FN1: variants seen among roughly 807,000 people sequenced by gnomAD.
The protein encoded by FN1 is fibronectin 1.
Under a neutral mutation model 297.3 loss-of-function variants are expected in FN1, and 106 were observed. The observed-to-expected ratio is 0.36, with a 90% CI of 0.30 to 0.42. The LOEUF is 0.42. Ranked by LOEUF, FN1 falls within the 10% of genes least tolerant of loss-of-function variation. The pLI is 1.00. For synonymous variants in FN1, 1,149 were observed against 1,152.6 expected (o/e 1.00, Z 0.06); for missense variants, 2,690 against 3,124.9 (o/e 0.86, Z 3.32).
At position 215,375,728 on chromosome 2, in the gene FN1, G is replaced by C. The variant is rs752816620; in HGVS notation, c.5888-10C>G. 27 of 1,556,428 alleles carry C rather than the reference G, an allele frequency of 1.7e-5. No individual in the cohort carries two copies. In the South Asian group the frequency reaches 3.0e-4, roughly 17 times the overall value. ...GTGCCTGGTTGTAAACCTGGGATTTGAGAAGAGATGATTTTTAACAGTTCT... is the reference window on the plus strand; with the variant it reads ...GTGCCTGGTTGTAAACCTGGGATTTCAGAAGAGATGATTTTTAACAGTTCT... On this transcript the variant is annotated splice_polypyrimidine_tract_variant and intron_variant, in intron 36 of 45. Transcript: ENST00000354785.
At chr2:215,373,477 C>T (rs1242903435) in intron 38 of FN1, 66 bp from the exon 39 acceptor site, 1 of 1,302,568 alleles carries the variant, frequency 7.7e-7, no homozygotes, top group African/African-American at 1.5e-5. Context: ...AAGTCGGTCT[C>T]ACCAGCAGAC....
rs757788360 is a variant in FN1 at position 215,419,234 on chromosome 2, C to T, written c.1819+8G>A. On this transcript the variant is annotated splice_region_variant and intron_variant, in intron 12 of 45. Transcript: ENST00000354785. ...CAGTTCTCAACTTGCAGTAATAGAG[C>T]TACTTACTTGGATAGGTCTGTAAAG... is the stretch of plus-strand genomic sequence containing the variant. 1 of 1,613,524 alleles carries T rather than the reference C, an allele frequency of 6.2e-7. No individual in the cohort carries two copies. The highest frequency in any genetic ancestry group is 1.1e-5 in the South Asian group (1 of 91,066).
chr2:215,374,461 A>G (rs1033796377), intron 38 of FN1, among the ~76,000 whole-genome samples: 1 of 152,164 alleles, frequency 6.6e-6, no homozygotes, highest in African/African-American at 2.4e-5. Context: ...GGCTGTTCTC[A>G]TGATAGTGAG....
chr2:215,434,395 A>T (rs1029601059), intron 2 of FN1, among the ~76,000 whole-genome samples: 2 of 125,876 alleles, frequency 1.6e-5, no homozygotes, highest in Non-Finnish European at 3.3e-5. Context: ...AATAAATTAA[A>T]ATTTTATAAG....
intron 23 of FN1, 100 bp from the exon 24 acceptor site, chr2:215,394,819 A>G: frequency 1.1e-6 from 1 of 910,660 alleles, no homozygotes; most frequent in Middle Eastern, 3.0e-4. Context: ...GGAATGCAGG[A>G]CTTGGCATTT....
chr2:215,370,547 CAAAAAACAAAA>C (rs2055756094), intron 40 of FN1, 115 bp from the exon 41 acceptor site: 1 of 289,030 alleles, frequency 3.5e-6, no homozygotes, highest in African/African-American at 3.3e-5. Flanking sequence ...AGACAAAAAA[CAAAAAACAAAA>C]AAAAAAAAAA....
rs757611292 is a variant in FN1, at chr2:215,414,881, G to C, written c.1897C>G (p.Pro633Ala). 3.5e-5 allele frequency: 56 copies of C among 1,613,510 alleles called. No homozygotes were observed. The highest frequency in any genetic ancestry group is 4.7e-5 in the Non-Finnish European group (55 of 1,179,590). Residue 633 changes from proline (P) to alanine (A), a missense_variant, in exon 13 of 46, where the codon CCA becomes GCA. Around this residue, in one of 3 missense-constraint regions of FN1, gnomAD observed 876 missense variants for 1,058.1 expected, o/e 0.83. Coordinates refer to ENST00000354785, the MANE Select transcript of FN1 (RefSeq NM_212482.4). ...PNSHPIQWNA[P>A]QPSHISKYIL... is the part of the protein sequence containing the mutation. ...TACTTGGAAATGTGAGATGGCTGTG[G>C]TGCATTCCACTGGATGGGGTGGGAG... is the stretch of plus-strand genomic sequence containing the variant.
chr2:215,399,358 G>A lies in FN1; in HGVS notation c.3254-7C>T. 3 of 1,595,264 alleles carry A rather than the reference G, an allele frequency of 1.9e-6. No homozygotes were observed. The highest frequency in any genetic ancestry group is 2.6e-6 in the Non-Finnish European group (3 of 1,162,804). On this transcript the variant is annotated splice_polypyrimidine_tract_variant and splice_region_variant and intron_variant, in intron 20 of 45. Coordinates refer to ENST00000354785, the MANE Select transcript of FN1 (RefSeq NM_212482.4). ...ATAGAGCTCCCAGGCTGCACTGTGAGAGAGAATCAATGCACATATTCAAAA... is the reference window on the plus strand; with the variant it reads ...ATAGAGCTCCCAGGCTGCACTGTGAAAGAGAATCAATGCACATATTCAAAA...
intron 23 of FN1, among the ~76,000 whole-genome samples, 179 bp downstream of exon 23, chr2:215,396,958 T>A (rs567151056): frequency 6.6e-6 from 1 of 152,366 alleles, no homozygotes; most frequent in Admixed American, 6.5e-5. Context: ...GAAGTCAACG[T>A]GCATTAAAGC....
rs563277456 is a variant in FN1 at position 215,367,507 on chromosome 2, TAA to T, written c.7018+354_7018+355del. ...TCTGATCTCATTCAACACTGAAGATTAAAAGAGATTTGAGGTTTTTCTGTGTC... is the reference window on the plus strand; with the variant it reads ...TCTGATCTCATTCAACACTGAAGATTAAGAGATTTGAGGTTTTTCTGTGTC... On this transcript the variant is annotated intron_variant, in intron 42 of 45. Transcript: ENST00000354785. 2.0e-5 allele frequency among the ~76,000 whole-genome samples: 3 copies of T among 152,318 alleles called. No individual in the cohort carries two copies. In the South Asian group the frequency reaches 6.2e-4, roughly 32 times the overall value.
At chr2:215,392,616 A>G (rs2059833068) in intron 25 of FN1, 3 of 383,204 alleles carry the variant, frequency 7.8e-6, no homozygotes, top group South Asian at 7.4e-5. Flanking sequence ...CGTGTTTGGT[A>G]TTTAAGACGA....
Position 215,379,261 on chromosome 2 carries a change from C to A in FN1, c.5491G>T (p.Ala1831Ser). Reference protein sequence around the residue: ...FTQVTPTSLSAQWTPPNVQLT... With the variant: ...FTQVTPTSLSSQWTPPNVQLT... ...TGAACATTGGGTGGTGTCCACTGGG[C>A]GCTCAGGCTTGTGGGTGTGACCTGA... The change falls in exon 34 of 46, where the codon GCC (alanine) becomes TCC (serine). Residue 1831 changes from alanine to serine, a missense_variant. Transcript: ENST00000354785. The A allele has an allele frequency of 6.2e-7, 1 of 1,614,022 alleles. No homozygotes were observed. The highest frequency in any genetic ancestry group is 1.1e-5 in the South Asian group (1 of 91,082).
intron 15 of FN1, 146 bp from the exon 16 acceptor site, chr2:215,408,572 A>G (rs545571873): frequency 1.6e-4 from 123 of 790,642 alleles, no homozygotes; most frequent in Non-Finnish European, 2.3e-4. Flanking sequence ...ATCAGTGATT[A>G]TTATTATTAT....
In FN1 at chr2:215,376,357, T is replaced by C. The variant is rs373792390; in HGVS notation, c.5887+141A>G. On this transcript the variant is annotated intron_variant, in intron 36 of 45. Coordinates refer to ENST00000354785, the MANE Select transcript of FN1 (RefSeq NM_212482.4). ...GACAAAACTATTTCTGATCATAGCATGAAAATAACGTTCTAAAACTGGGTT... is the reference window on the plus strand; with the variant it reads ...GACAAAACTATTTCTGATCATAGCACGAAAATAACGTTCTAAAACTGGGTT... 98 of 779,562 alleles carry C rather than the reference T, an allele frequency of 1.3e-4. No homozygotes were observed. The African/African-American group carries it at 1.5e-3, about 12-fold the overall frequency. The allele number at this position is 779,562 out of a possible 1,614,324, so 48.3% of individuals were successfully genotyped here. A position where few individuals can be genotyped will look rare whatever the true frequency, so the allele number is the denominator to read the frequency against.
Position 215,409,938 on chromosome 2 carries a change from C to T in FN1, c.2118G>A (p.Val706=). 6.2e-7 allele frequency: 1 copy of T among 1,613,660 alleles called. No individual in the cohort carries two copies. Among genetic ancestry groups the T allele is most frequent in the South Asian group, 1.1e-5 (1 of 91,012 alleles). The change falls in exon 14 of 46, where the codon GTG becomes GTA. Residue 706 remains valine (V), a synonymous_variant. Transcript: ENST00000354785. ...DFTTTSTSTP[V]TSNTVTGETT... is the part of the protein sequence containing the mutation. ...TGAGGGTGGTTGTGTACATACTGGT[C>T]ACAGGTGTGCTGGTGCTGGTGGTGG...
At chr2:215,378,303 A>G (rs762945726) in intron 34 of FN1, 41 bp from the exon 35 acceptor site, 1 of 1,082,954 alleles carries the variant, frequency 9.2e-7, no homozygotes, top group African/African-American at 1.5e-5. Context: ...CAACGTCCTC[A>G]ACTGAAACCC....
At chr2:215,365,435 G>T in intron 43 of FN1, 70 bp downstream of exon 43, 1 of 1,499,322 alleles carries the variant, frequency 6.7e-7, no homozygotes, top group South Asian at 1.1e-5. Flanking sequence ...TTCTGTGAAT[G>T]AGAGTTACAG....
rs146168760 is a variant in FN1, at chr2:215,430,542, T to G, written c.685+173A>C. ...GTGATATGTTTTTCTATTTATGTAG[T>G]CTTCTCTGAAGATGCGGAATAAGTT... On this transcript the variant is annotated intron_variant, in intron 5 of 45. Transcript: ENST00000354785. Among the ~76,000 whole-genome samples the G allele has an allele frequency of 3.2e-4, 48 of 152,334 alleles. No homozygotes were observed. The East Asian group carries it at 7.7e-3, about 24-fold the overall frequency.
At chr2:215,365,409 TAA>T (rs2054331778) in intron 43 of FN1, 94 bp downstream of exon 43, 1 of 1,363,752 alleles carries the variant, frequency 7.3e-7, no homozygotes, top group Non-Finnish European at 1.0e-6. Context: ...CAAGGAGACC[TAA>T]AGTCTCCAAT....
Sources: allele counts gnomAD v4.1 joint callset (sites outside exome capture counted in the v4.1 genomes callset), GRCh38; gene constraint gnomAD v4.1.1; regional missense constraint gnomAD v4.1.1; transcripts MANE v1.5; gene names NCBI Gene and HGNC (gene_info 2026-07-23, HGNC 2026-07-21).